LDLRAD3: variants seen among roughly 807,000 people sequenced by gnomAD.
LDLRAD3 encodes the protein low density lipoprotein receptor class A domain containing 3, also known as low-density lipoprotein receptor class A domain-containing protein 3.
A neutral mutation model predicts 29.4 loss-of-function variants in LDLRAD3; 20 were observed. The ratio of observed to expected loss-of-function variants is 0.68; its 90% CI spans 0.48 to 0.99. The LOEUF is 0.99. Ranked by LOEUF, LDLRAD3 falls within the 50% of genes least tolerant of loss-of-function variation. The pLI is 0.00. For missense variants in LDLRAD3, 420 were observed against 454.3 expected, an observed-to-expected ratio of 0.92 and a Z score of 0.69; for synonymous variants, 157 against 192.7, an observed-to-expected ratio of 0.81 and a Z score of 1.53.
intron 1 of LDLRAD3, among the ~76,000 whole-genome samples, chr11:36,014,984 A>T (rs1250466648): frequency 6.6e-6 from 1 of 152,190 alleles, no homozygotes; most frequent in Admixed American, 6.5e-5. Flanking sequence ...ATCCCAGAAG[A>T]GTTTGGAAAG....
intron 1 of LDLRAD3, chr11:35,989,059 G>A (rs1851654513): frequency 1.3e-5 from 2 of 152,176 alleles, no homozygotes; most frequent in Non-Finnish European, 2.9e-5. Flanking sequence ...TATAGTGAAA[G>A]ATGGGTGTTC....
chr11:36,223,719 A>G (rs748111484), intron 4 of LDLRAD3, among the ~76,000 whole-genome samples: 2 of 149,298 alleles, frequency 1.3e-5, no homozygotes, highest in Admixed American at 6.8e-5. Context: ...CCTTGTCTCA[A>G]AAAATACATA....
At chr11:36,149,558 A>T (rs1436142260) in intron 4 of LDLRAD3, among the ~76,000 whole-genome samples, 1 of 152,160 alleles carries the variant, frequency 6.6e-6, no homozygotes, top group East Asian at 1.9e-4. Flanking sequence ...AGAGATGAGG[A>T]TGAGAGGGAG....
chr11:36,152,871 C>G (rs1466865488), intron 4 of LDLRAD3, among the ~76,000 whole-genome samples: 1 of 152,126 alleles, frequency 6.6e-6, no homozygotes, highest in Admixed American at 6.6e-5. Context: ...CCTGTGAGTC[C>G]TCTTAGCAAA....
intron 4 of LDLRAD3, among the ~76,000 whole-genome samples, chr11:36,120,167 G>A (rs1853734975): frequency 2.0e-5 from 3 of 152,096 alleles, no homozygotes; most frequent in African/African-American, 7.2e-5. Flanking sequence ...TATATTTCTA[G>A]TCTGGAAACA....
intron 1 of LDLRAD3, among the ~76,000 whole-genome samples, chr11:36,033,119 C>T (rs980047342): frequency 7.2e-5 from 11 of 152,224 alleles, no homozygotes; most frequent in African/African-American, 9.6e-5. Flanking sequence ...GTGATCCACC[C>T]GCCTCGGCCT....
chr11:35,975,081 G>A (rs1326881350), intron 1 of LDLRAD3, among the ~76,000 whole-genome samples: 3 of 152,108 alleles, frequency 2.0e-5, no homozygotes, highest in Non-Finnish European at 2.9e-5. Context: ...AGACCCTTTG[G>A]CAGCTCTTCA....
chr11:35,944,203 GCAGCGGC>G lies in LDLRAD3; in HGVS notation c.46+61_46+67del. 7 of 942,238 alleles carry G rather than the reference GCAGCGGC, an allele frequency of 7.4e-6. No individual in the cohort carries two copies. The highest frequency in any genetic ancestry group is 7.6e-6 in the Non-Finnish European group (6 of 790,274). The allele number at this position is 942,238 out of a possible 1,614,324, so 58.4% of individuals were successfully genotyped here. ...GGGCGCGGGGCGCGGGGCGCGGGGC[GCAGCGGC>G]CGGGTGCGATCGCGTCCTCTCCCGG... is the stretch of plus-strand genomic sequence containing the variant. On this transcript the variant is annotated intron_variant, in intron 1 of 5. Transcript: ENST00000315571. The surrounding 1 kb of genome is among the most constrained non-coding windows in gnomAD (Gnocchi z 4.9).
At chr11:36,093,655 A>G (rs1392298651) in intron 3 of LDLRAD3, among the ~76,000 whole-genome samples, 2 of 152,160 alleles carry the variant, frequency 1.3e-5, no homozygotes, top group African/African-American at 2.4e-5. Context: ...CACCCTGCCC[A>G]TTCAGCCCAC....
chr11:36,041,395 G>A (rs768525320), intron 2 of LDLRAD3, among the ~76,000 whole-genome samples: 22 of 152,196 alleles, frequency 1.4e-4, no homozygotes, highest in Admixed American at 3.3e-4. Context: ...CTCCATCAGA[G>A]ACCCCCAGTG....
intron 4 of LDLRAD3, among the ~76,000 whole-genome samples, chr11:36,124,302 G>A (rs547033496): frequency 1.3e-5 from 2 of 152,358 alleles, no homozygotes; most frequent in African/African-American, 2.4e-5. Context: ...GGAGTTTGTG[G>A]AGGCTGAGGC....
At chr11:36,172,201 T>C (rs1033647215) in intron 4 of LDLRAD3, among the ~76,000 whole-genome samples, 8 of 152,308 alleles carry the variant, frequency 5.3e-5, no homozygotes, top group African/African-American at 1.9e-4. Flanking sequence ...ACTGAATTTA[T>C]TTGTCAGATC....
intron 3 of LDLRAD3, among the ~76,000 whole-genome samples, chr11:36,083,638 A>G (rs1455624417): frequency 6.6e-6 from 1 of 152,074 alleles, no homozygotes; most frequent in Non-Finnish European, 1.5e-5. Context: ...CTTACAATAT[A>G]CTTCTTTTGT....
chr11:35,957,145 G>A (rs1590682086), intron 1 of LDLRAD3, among the ~76,000 whole-genome samples: 1 of 152,328 alleles, frequency 6.6e-6, no homozygotes, highest in Middle Eastern at 3.4e-3. Context: ...ATAACATACA[G>A]TCTACCACCT....
At chr11:36,052,358 C>A (rs1361708633) in intron 2 of LDLRAD3, among the ~76,000 whole-genome samples, 2 of 152,182 alleles carry the variant, frequency 1.3e-5, no homozygotes, top group Non-Finnish European at 2.9e-5. Context: ...GCTCTTGTTG[C>A]AATGCCCATG....
At chr11:36,034,701 C>T (rs554464828) in intron 1 of LDLRAD3, among the ~76,000 whole-genome samples, 1 of 152,284 alleles carries the variant, frequency 6.6e-6, no homozygotes, top group East Asian at 1.9e-4. Flanking sequence ...TTTTTAGTAT[C>T]ACCCCAGTGG....
At chr11:36,075,472 G>T (rs1349501077) in intron 2 of LDLRAD3, among the ~76,000 whole-genome samples, 1 of 152,168 alleles carries the variant, frequency 6.6e-6, no homozygotes, top group Admixed American at 6.5e-5. Context: ...TGGTCCCTTG[G>T]CTGAGGTGGT....
At chr11:36,159,291 A>AC (rs1246069573) in intron 4 of LDLRAD3, among the ~76,000 whole-genome samples, 1 of 151,902 alleles carries the variant, frequency 6.6e-6, no homozygotes, top group Admixed American at 6.6e-5. Flanking sequence ...ACATAGTGAG[A>AC]CCCCCATCTA....
chr11:36,127,488 G>A (rs1041540537), intron 4 of LDLRAD3, among the ~76,000 whole-genome samples: 2 of 152,204 alleles, frequency 1.3e-5, no homozygotes, highest in African/African-American at 4.8e-5. Flanking sequence ...TTAGGAAGAT[G>A]TGATTAATAT....
Sources: allele counts gnomAD v4.1 joint callset (sites outside exome capture counted in the v4.1 genomes callset), GRCh38; gene constraint gnomAD v4.1.1; non-coding constraint Gnocchi (gnomAD v3.1); transcripts MANE v1.5; gene names NCBI Gene and HGNC (gene_info 2026-07-23, HGNC 2026-07-21).